The following CNTN5 variants were observed in gnomAD, a reference collection of about 807,000 sequenced individuals.
CNTN5 encodes contactin 5.
A neutral mutation model predicts 129.1 loss-of-function variants in CNTN5; 77 were observed. That is an observed-to-expected ratio of 0.60 (90% CI 0.50 to 0.72). CNTN5 has a LOEUF of 0.72. Ranked by LOEUF, CNTN5 falls within the 30% of genes least tolerant of loss-of-function variation. The pLI is 0.00. For missense variants in CNTN5, 1,478 were observed against 1,328.8 expected, an observed-to-expected ratio of 1.11 and a Z score of -1.75; for synonymous variants, 509 against 465.6, an observed-to-expected ratio of 1.09 and a Z score of -1.20.
chr11:99,839,660 A>T (rs1031054288), intron 4 of CNTN5, among the ~76,000 whole-genome samples: 1 of 152,118 alleles, frequency 6.6e-6, no homozygotes, highest in African/African-American at 2.4e-5. Context: ...GCAATATAAG[A>T]AACCAAAGTA....
intron 15 of CNTN5, among the ~76,000 whole-genome samples, chr11:100,201,702 A>C (rs1948782344): frequency 6.6e-6 from 1 of 151,974 alleles, no homozygotes; most frequent in South Asian, 2.1e-4. Flanking sequence ...AGGATAACTA[A>C]TGTGTCAACT....
At chr11:99,140,919 T>C (rs1392415334) in intron 1 of CNTN5, among the ~76,000 whole-genome samples, 1 of 152,124 alleles carries the variant, frequency 6.6e-6, no homozygotes, top group African/African-American at 2.4e-5. Flanking sequence ...TGAGGATGTT[T>C]GCAGCTATCT....
chr11:100,235,518 C>T (rs1949593499), intron 16 of CNTN5, among the ~76,000 whole-genome samples: 2 of 152,112 alleles, frequency 1.3e-5, no homozygotes, highest in African/African-American at 4.8e-5. Flanking sequence ...TTTTTAGGCT[C>T]TTCCGTGTAG....
At position 99,804,278 on chromosome 11, in the gene CNTN5, C is replaced by T. The variant is rs145951815; in HGVS notation, c.56-15266C>T. On this transcript the variant is annotated intron_variant, in intron 3 of 24. Coordinates refer to ENST00000524871, the MANE Select transcript of CNTN5 (RefSeq NM_014361.4). ...AGGAAAGTCATTTACCAAATGTGTA[C>T]CCTAGCTTGCAAAATGTGTTTCCTA... 1.7e-3 allele frequency among the ~76,000 whole-genome samples: 254 copies of T among 152,058 alleles called. 1 individual carries two copies. Among genetic ancestry groups the T allele is most frequent in the African/African-American group, 6.0e-3 (248 of 41,496 alleles).
chr11:99,168,855 G>A (rs79788118), intron 1 of CNTN5, among the ~76,000 whole-genome samples: 1 of 152,170 alleles, frequency 6.6e-6, no homozygotes, highest in African/African-American at 2.4e-5. Context: ...TTTTTCTTGG[G>A]AACATAGCAC....
At chr11:100,168,570 CT>C (rs1947722150) in intron 13 of CNTN5, among the ~76,000 whole-genome samples, 1 of 151,942 alleles carries the variant, frequency 6.6e-6, no homozygotes, top group African/African-American at 2.4e-5. Flanking sequence ...AGAAATACTG[CT>C]CAGAATAAGA....
At chr11:99,511,772 G>T (rs916821550) in intron 2 of CNTN5, among the ~76,000 whole-genome samples, 1 of 151,934 alleles carries the variant, frequency 6.6e-6, no homozygotes, top group Admixed American at 6.6e-5. Flanking sequence ...GTATACATAT[G>T]TAACTAACCT....
intron 3 of CNTN5, among the ~76,000 whole-genome samples, chr11:99,765,497 T>G (rs1292244040): frequency 6.6e-6 from 1 of 151,940 alleles, no homozygotes; most frequent in Non-Finnish European, 1.5e-5. Context: ...TAGAATTTGA[T>G]TTGATATAGA....
chr11:100,339,361 G>C (rs2139009771), intron 21 of CNTN5, among the ~76,000 whole-genome samples: 1 of 152,192 alleles, frequency 6.6e-6, no homozygotes, highest in South Asian at 2.1e-4. Flanking sequence ...AGTGGAGAAG[G>C]GAGCTGGAAA....
At chr11:99,309,831 C>T (rs1865034400) in intron 1 of CNTN5, among the ~76,000 whole-genome samples, 1 of 152,010 alleles carries the variant, frequency 6.6e-6, no homozygotes. Flanking sequence ...AAAAATTTAA[C>T]TATTAATATA....
chr11:99,432,464 C>CCTTTCCTTTT (rs1555143591), intron 2 of CNTN5, among the ~76,000 whole-genome samples: 5 of 116,378 alleles, frequency 4.3e-5, no homozygotes, highest in Non-Finnish European at 9.0e-5. Flanking sequence ...TCTTTTCTTT[C>CCTTTCCTTTT]CTTTTCTTTT....
chr11:100,220,853 A>G (rs771880112), intron 15 of CNTN5, among the ~76,000 whole-genome samples: 3 of 152,134 alleles, frequency 2.0e-5, no homozygotes, highest in Non-Finnish European at 4.4e-5. Flanking sequence ...GTCTTTTTCC[A>G]TAGTCTTTTT....
chr11:100,233,299 G>T (rs528076384), intron 16 of CNTN5, among the ~76,000 whole-genome samples: 1 of 151,590 alleles, frequency 6.6e-6, no homozygotes, highest in South Asian at 2.1e-4. Flanking sequence ...AAGGGAGGAA[G>T]AAAGAAAGGA....
At chr11:100,132,237 A>G (rs1433849830) in intron 13 of CNTN5, among the ~76,000 whole-genome samples, 1 of 152,116 alleles carries the variant, frequency 6.6e-6, no homozygotes, top group East Asian at 1.9e-4. Flanking sequence ...TTATTTGACC[A>G]TGAGTTATTT....
At chr11:99,899,210 C>T (rs1466232860) in intron 6 of CNTN5, among the ~76,000 whole-genome samples, 1 of 151,908 alleles carries the variant, frequency 6.6e-6, no homozygotes, top group Non-Finnish European at 1.5e-5. Context: ...ATTTGGATGC[C>T]TTTTATTTCT....
rs191267337 is a variant in CNTN5, at chr11:100,224,588, G to A, written c.1885-104G>A. The A allele has an allele frequency of 1.5e-5, 16 of 1,094,858 alleles. No individual in the cohort carries two copies. The Admixed American group carries it at 3.2e-4, about 22-fold the overall frequency. The allele number at this position is 1,094,858 out of a possible 1,614,324, so 67.8% of individuals were successfully genotyped here. A position where few individuals can be genotyped will look rare whatever the true frequency, so the allele number is the denominator to read the frequency against. ...GAATTGTTGTTAGATAAACTGTAAG[G>A]CCAAAAATGGGCCCTTTTACTGAAT... On this transcript the variant is annotated intron_variant, in intron 15 of 24. Coordinates refer to ENST00000524871, the MANE Select transcript of CNTN5 (RefSeq NM_014361.4).
intron 9 of CNTN5, among the ~76,000 whole-genome samples, chr11:100,027,797 T>C (rs932676055): frequency 6.6e-6 from 1 of 152,198 alleles, no homozygotes; most frequent in Non-Finnish European, 1.5e-5. Flanking sequence ...GGGAGCAAGC[T>C]TGGGCAGTTG....
intron 4 of CNTN5, among the ~76,000 whole-genome samples, chr11:99,834,727 T>G (rs1159862722): frequency 1.3e-5 from 2 of 152,218 alleles, no homozygotes; most frequent in Non-Finnish European, 2.9e-5. Context: ...CATTCCATAT[T>G]GTTTTTCTCA....
At chr11:99,678,406 C>T (rs749468133) in intron 3 of CNTN5, among the ~76,000 whole-genome samples, 1 of 152,066 alleles carries the variant, frequency 6.6e-6, no homozygotes, top group Non-Finnish European at 1.5e-5. Context: ...TTAAAAAATA[C>T]TTATTCCTGG....
Sources: gnomAD v4.1 joint callset for allele counts (sites outside exome capture counted in the v4.1 genomes callset) on GRCh38, gnomAD v4.1.1 for gene constraint, MANE v1.5 for transcripts, NCBI Gene and HGNC (gene_info 2026-07-23, HGNC 2026-07-21) for gene names.